The following KHDC1 variants were observed in gnomAD, a reference collection of about 807,000 sequenced individuals.
The protein encoded by KHDC1 is KH domain containing 1.
In KHDC1, 21 loss-of-function variants were observed where a neutral mutation model predicts 24.7. The ratio of observed to expected loss-of-function variants is 0.85; its 90% CI spans 0.60 to 1.23. The LOEUF (loss-of-function observed/expected upper bound fraction) is 1.23. Ranked by LOEUF, KHDC1 falls within the 50% of genes most tolerant of loss-of-function variation. The pLI is 0.00. For synonymous variants in KHDC1, 98 were observed against 111.7 expected (o/e 0.88, Z 0.77); for missense variants, 274 against 298.5 (o/e 0.92, Z 0.61).
Position 73,268,361 on chromosome 6 carries a change from C to T in KHDC1, c.206+23637G>A, listed in dbSNP as rs184687616. ...GACTTTCGCGGTGAGTGTTACAGCTCATAAAAGCAGTGTGGCCCCAAAGAG... is the reference window on the plus strand; with the variant it reads ...GACTTTCGCGGTGAGTGTTACAGCTTATAAAAGCAGTGTGGCCCCAAAGAG... On this transcript the variant is annotated intron_variant, in intron 2 of 4. Transcript: ENST00000370384. 9.0e-4 allele frequency: 139 copies of T among 154,350 alleles called. 1 individual carries two copies. The highest frequency in any genetic ancestry group is 1.4e-3 in the Non-Finnish European group (99 of 69,796). The allele number at this position is 154,350 out of a possible 1,614,324, so 9.6% of individuals were successfully genotyped here. A position where few individuals can be genotyped will look rare whatever the true frequency, so the allele number is the denominator to read the frequency against.
At chr6:73,254,318 A>G (rs1317160574) in intron 2 of KHDC1, among the ~76,000 whole-genome samples, 3 of 151,816 alleles carry the variant, frequency 2.0e-5, no homozygotes, top group Non-Finnish European at 4.4e-5. Flanking sequence ...AAAATTAGCC[A>G]GGCGTGGTGG....
At chr6:73,250,314 T>C (rs1430465115) in intron 2 of KHDC1, among the ~76,000 whole-genome samples, 2 of 152,222 alleles carry the variant, frequency 1.3e-5, no homozygotes, top group Non-Finnish European at 2.9e-5. Flanking sequence ...CTTTAGGAAA[T>C]GGCACATGTC....
At chr6:73,247,232 C>A (rs952252528) in intron 2 of KHDC1, among the ~76,000 whole-genome samples, 1 of 152,014 alleles carries the variant, frequency 6.6e-6, no homozygotes, top group Non-Finnish European at 1.5e-5. Flanking sequence ...CCACCTCAGC[C>A]TCCCAAAGTG....
At chr6:73,256,000 T>C (rs1046021839) in intron 2 of KHDC1, among the ~76,000 whole-genome samples, 1 of 151,900 alleles carries the variant, frequency 6.6e-6, no homozygotes, top group Non-Finnish European at 1.5e-5. Flanking sequence ...GAAGTCTGAA[T>C]GGAGTTAGAA....
chr6:73,290,828 C>A, intron 2 of KHDC1: 1 of 329,120 alleles, frequency 3.0e-6, no homozygotes, highest in Non-Finnish European at 6.0e-6. Context: ...CTTATGGTAA[C>A]CTACCTACCT....
intron 2 of KHDC1, 22 bp from the exon 1 acceptor site, chr6:73,263,218 G>C (rs1360788490): frequency 1.0e-6 from 1 of 987,060 alleles, no homozygotes; most frequent in African/African-American, 1.7e-5. Context: ...CGCCGGAAGC[G>C]CGCGGCTGCG....
chr6:73,285,673 T>C (rs987483081), intron 2 of KHDC1, among the ~76,000 whole-genome samples: 2 of 150,282 alleles, frequency 1.3e-5, no homozygotes, highest in Admixed American at 6.6e-5. Context: ...TTTATTATAC[T>C]CTAAGTTTTA....
intron 1 of KHDC1, chr6:73,293,124 C>G (rs1273018341): frequency 2.4e-6 from 2 of 820,970 alleles, no homozygotes; most frequent in Non-Finnish European, 4.2e-6. Context: ...GTTATGGTAA[C>G]AATGTACTCT....
At chr6:73,301,635 A>T (rs1478498423) in intron 1 of KHDC1, among the ~76,000 whole-genome samples, 2 of 150,678 alleles carry the variant, frequency 1.3e-5, no homozygotes, top group African/African-American at 4.9e-5. Flanking sequence ...GGTTTTTTAA[A>T]TTTTTTTTTT....
At chr6:73,244,959 C>G (rs1355632762) in intron 2 of KHDC1, among the ~76,000 whole-genome samples, 1 of 152,216 alleles carries the variant, frequency 6.6e-6, no homozygotes, top group Non-Finnish European at 1.5e-5. Flanking sequence ...AAAACAATAG[C>G]TATAGTCTGC....
intron 2 of KHDC1, among the ~76,000 whole-genome samples, chr6:73,278,014 T>G (rs1179923878): frequency 0.054 from 7,793 of 143,644 alleles, 252 homozygotes; most frequent in African/African-American, 0.087. Flanking sequence ...CGGGTGTTTT[T>G]TTTTTTTTTT....
chr6:73,309,304 A>G (rs913319521), intron 1 of KHDC1, among the ~76,000 whole-genome samples: 9 of 152,150 alleles, frequency 5.9e-5, no homozygotes. Context: ...CAGTGCACAA[A>G]TGTCCTAGAT....
At chr6:73,274,561 C>T (rs1286716732) in intron 2 of KHDC1, 1 of 152,184 alleles carries the variant, frequency 6.6e-6, no homozygotes, top group Non-Finnish European at 1.5e-5. Context: ...TGATGAGTGA[C>T]TCTCACGACA....
At chr6:73,284,290 A>G (rs1182948387) in intron 2 of KHDC1, among the ~76,000 whole-genome samples, 1 of 152,228 alleles carries the variant, frequency 6.6e-6, no homozygotes, top group Admixed American at 6.5e-5. Flanking sequence ...TCTCTTATAG[A>G]TAAGATCACT....
chr6:73,241,582 G>A lies in KHDC1; in HGVS notation c.661C>T (p.Pro221Ser), dbSNP rs748218067. 1.2e-5 allele frequency: 20 copies of A among 1,614,040 alleles called. No individual in the cohort carries two copies. Among genetic ancestry groups the A allele is most frequent in the Admixed American group, 1.7e-5 (1 of 59,998 alleles). Residue 221 changes from proline (P) to serine (S), a missense_variant, in exon 5 of 5, where the codon CCT becomes TCT. Pro to Ser is a moderately conservative substitution (Grantham distance 74, BLOSUM62 -1). Coordinates refer to ENST00000370384, the Ensembl canonical transcript of KHDC1. The stretch of plus-strand genomic sequence containing the variant: ...CCCGAACAACCAATCACTTGGTAAG[G>A]GGAAGGCTGAGGAACGCTAAGACAC...
intron 1 of KHDC1, among the ~76,000 whole-genome samples, chr6:73,298,832 A>G (rs1202402646): frequency 6.6e-6 from 1 of 152,020 alleles, no homozygotes; most frequent in Admixed American, 6.6e-5. Flanking sequence ...CCAACTACTT[A>G]GCTCAAGCGA....
intron 2 of KHDC1, among the ~76,000 whole-genome samples, chr6:73,279,575 A>AT (rs560281126): frequency 0.019 from 1,829 of 98,298 alleles, 54 homozygotes; most frequent in African/African-American, 0.048. Flanking sequence ...GGGACCATGG[A>AT]TTTTTTTTTT....
intron 2 of KHDC1, among the ~76,000 whole-genome samples, chr6:73,281,339 A>T (rs1767404336): frequency 6.7e-6 from 1 of 149,830 alleles, no homozygotes; most frequent in Non-Finnish European, 1.5e-5. Context: ...ACTCTCTCAA[A>T]AAAAAAAACA....
At chr6:73,299,622 G>C (rs1463384457) in intron 1 of KHDC1, 1 of 152,412 alleles carries the variant, frequency 6.6e-6, no homozygotes, top group Non-Finnish European at 1.5e-5. Context: ...CTAAAAGGGC[G>C]GAAGGATGCA....
Sources: allele counts gnomAD v4.1 joint callset (sites outside exome capture counted in the v4.1 genomes callset), GRCh38; gene constraint gnomAD v4.1.1; transcripts MANE v1.5; gene names NCBI Gene and HGNC (gene_info 2026-07-23, HGNC 2026-07-21).